ADK: variants seen among roughly 807,000 people sequenced by gnomAD.
ADK encodes the protein adenosine kinase, also known as N6,N6-dimethyladenosine kinase.
Under a neutral mutation model 44.7 loss-of-function variants are expected in ADK, and 24 were observed. That is an observed-to-expected ratio of 0.54 (90% CI 0.39 to 0.76). The LOEUF (loss-of-function observed/expected upper bound fraction) is 0.76. Ranked by LOEUF, ADK falls within the 30% of genes least tolerant of loss-of-function variation. ADK has a pLI of 0.00. For synonymous variants in ADK, 128 were observed against 142.6 expected, an observed-to-expected ratio of 0.90 and a Z score of 0.73; for missense variants, 321 against 425.1, an observed-to-expected ratio of 0.76 and a Z score of 2.15.
intron 4 of ADK, among the ~76,000 whole-genome samples, chr10:74,353,570 TAAA>T (rs36030657): frequency 2.2e-5 from 3 of 135,436 alleles, no homozygotes; most frequent in African/African-American, 5.6e-5. Context: ...AACTTAAAGT[TAAA>T]AAAAAAAAAA....
chr10:74,247,221 T>A lies in ADK; in HGVS notation c.194+22630T>A, dbSNP rs574295107. 4.6e-4 allele frequency among the ~76,000 whole-genome samples: 61 copies of A among 131,240 alleles called. 1 individual carries two copies. Among genetic ancestry groups the A allele is most frequent in the Non-Finnish European group, 2.4e-4 (15 of 61,976 alleles). 86.1% of individuals were successfully genotyped at this position (131,240 alleles called of 152,430 possible). A position where few individuals can be genotyped will look rare whatever the true frequency, so the allele number is the denominator to read the frequency against. On this transcript the variant is annotated intron_variant, in intron 3 of 10. Transcript: ENST00000539909. ...TGGCTTTTTTTGATTTTTTTTTTTT[T>A]AAGTTTTTTTTTTTTTTTTTTTTTT...
intron 7 of ADK, among the ~76,000 whole-genome samples, chr10:74,568,383 G>C (rs1360766726): frequency 6.6e-6 from 1 of 151,960 alleles, no homozygotes. Flanking sequence ...TTTTCTCCTA[G>C]GAGGTACAGG....
chr10:74,538,197 G>A (rs1849518081), intron 7 of ADK, among the ~76,000 whole-genome samples: 1 of 151,516 alleles, frequency 6.6e-6, no homozygotes, highest in Non-Finnish European at 1.5e-5. Flanking sequence ...GGAGGTTGCA[G>A]CTAGCCAAGA....
At chr10:74,356,499 G>C in intron 4 of ADK, among the ~76,000 whole-genome samples, 1 of 152,060 alleles carries the variant, frequency 6.6e-6, no homozygotes, top group Non-Finnish European at 1.5e-5. Flanking sequence ...TGTTTGTACA[G>C]TAGATATTAT....
intron 6 of ADK, among the ~76,000 whole-genome samples, chr10:74,423,095 C>T (rs1564713047): frequency 6.6e-6 from 1 of 152,102 alleles, no homozygotes; most frequent in East Asian, 1.9e-4. Context: ...AACACGCCGT[C>T]CTCATATACA....
chr10:74,367,362 T>A (rs1186687628), intron 4 of ADK, among the ~76,000 whole-genome samples: 3 of 152,242 alleles, frequency 2.0e-5, no homozygotes, highest in Non-Finnish European at 4.4e-5. Context: ...TCAGTTGGAA[T>A]GGACTTCAGG....
At chr10:74,328,057 C>T (rs1841080430) in intron 4 of ADK, among the ~76,000 whole-genome samples, 2 of 152,106 alleles carry the variant, frequency 1.3e-5, no homozygotes, top group South Asian at 2.1e-4. Flanking sequence ...TACAGGTGTG[C>T]ACCACCTTGC....
chr10:74,406,284 G>C (rs945406316), intron 6 of ADK, among the ~76,000 whole-genome samples: 2 of 152,052 alleles, frequency 1.3e-5, no homozygotes, highest in African/African-American at 4.8e-5. Flanking sequence ...GAAGCCTGCT[G>C]CCATTCCTAT....
rs141733769 is a variant in ADK, at chr10:74,270,134, A to T, written c.195-44533A>T. On this transcript the variant is annotated intron_variant, in intron 3 of 10. Transcript: ENST00000539909. ...AAGAATTGGTTTGTTCAACAATAGG[A>T]GTTATTTTGAAGAATAAAGCAAGTG... Among the ~76,000 whole-genome samples the T allele has an allele frequency of 5.4e-3, 816 of 152,350 alleles. 8 individuals carry two copies. Among genetic ancestry groups the T allele is most frequent in the African/African-American group, 0.018 (758 of 41,580 alleles).
chr10:74,393,975 T>A (rs942958936), intron 4 of ADK, among the ~76,000 whole-genome samples, 166 bp from the exon 5 acceptor site: 1 of 152,168 alleles, frequency 6.6e-6, no homozygotes, highest in Non-Finnish European at 1.5e-5. Flanking sequence ...ATGGTTGTTA[T>A]ATTAAGTTTT....
At chr10:74,353,966 G>A (rs1280144569) in intron 4 of ADK, among the ~76,000 whole-genome samples, 1 of 152,228 alleles carries the variant, frequency 6.6e-6, no homozygotes, top group Non-Finnish European at 1.5e-5. Flanking sequence ...GATTAGAAGT[G>A]TAGCTTTAAA....
chr10:74,699,763 T>C (rs554969780), intron 10 of ADK, among the ~76,000 whole-genome samples: 11 of 152,236 alleles, frequency 7.2e-5, no homozygotes, highest in African/African-American at 2.6e-4. Context: ...ACAGAGAGAT[T>C]TGTTCTTTAA....
chr10:74,186,213 T>TTCCTTTCCCTTCCCC (rs57766192), intron 1 of ADK, among the ~76,000 whole-genome samples: 11 of 149,520 alleles, frequency 7.4e-5, no homozygotes, highest in East Asian at 4.0e-4. Context: ...TTCCCTTCCC[T>TTCCTTTCCCTTCCCC]TCCTTTCCCT....
At chr10:74,455,539 C>T (rs1178685098) in intron 6 of ADK, among the ~76,000 whole-genome samples, 1 of 151,604 alleles carries the variant, frequency 6.6e-6, no homozygotes, top group African/African-American at 2.4e-5. Context: ...GAGACAGAGT[C>T]TCACTCCGTC....
chr10:74,213,910 A>G (rs551761807), intron 2 of ADK, among the ~76,000 whole-genome samples: 1 of 152,334 alleles, frequency 6.6e-6, no homozygotes, highest in East Asian at 1.9e-4. Context: ...TCCAATTCCA[A>G]ATTTTAAAAT....
At chr10:74,336,216 TTATTGTTTTTTGC>T (rs909411646) in intron 4 of ADK, among the ~76,000 whole-genome samples, 6 of 152,266 alleles carry the variant, frequency 3.9e-5, no homozygotes, top group Middle Eastern at 3.4e-3. Context: ...GAGTTTTTGA[TTATTGTTTTTTGC>T]TATTGTTTTT....
At chr10:74,514,813 T>C (rs1318923950) in intron 6 of ADK, among the ~76,000 whole-genome samples, 2 of 152,140 alleles carry the variant, frequency 1.3e-5, no homozygotes, top group Non-Finnish European at 2.9e-5. Context: ...CATTACATGT[T>C]TTCTTGCTTT....
chr10:74,285,158 T>C (rs1217334646), intron 3 of ADK, among the ~76,000 whole-genome samples: 1 of 152,192 alleles, frequency 6.6e-6, no homozygotes, highest in African/African-American at 2.4e-5. Flanking sequence ...ATAAGCTTTA[T>C]GATAAATACT....
chr10:74,370,390 A>G (rs1842622512), intron 4 of ADK, among the ~76,000 whole-genome samples: 1 of 152,230 alleles, frequency 6.6e-6, no homozygotes, highest in South Asian at 2.1e-4. Flanking sequence ...TCTAAAAAGT[A>G]CTGAACATCT....
Sources: allele counts gnomAD v4.1 joint callset (sites outside exome capture counted in the v4.1 genomes callset), GRCh38; gene constraint gnomAD v4.1.1; transcripts MANE v1.5; gene names NCBI Gene and HGNC (gene_info 2026-07-23, HGNC 2026-07-21).